Variants in DGKI observed in about 807,000 individuals in gnomAD.
The protein encoded by DGKI is diacylglycerol kinase iota.
A neutral mutation model predicts 147.5 loss-of-function variants in DGKI; 55 were observed. The ratio of observed to expected loss-of-function variants is 0.37; its 90% CI spans 0.30 to 0.47. The LOEUF is 0.47. DGKI is among the 20% of genes least tolerant of loss of function. The pLI, the probability that DGKI is intolerant of heterozygous loss-of-function variation, is 1.00. For synonymous variants in DGKI, 469 were observed against 477.1 expected (o/e 0.98, Z 0.22); for missense variants, 1,007 against 1,323.8 (o/e 0.76, Z 3.71).
chr7:137,436,205 T>G (rs747835745), intron 28 of DGKI, among the ~76,000 whole-genome samples: 2 of 152,224 alleles, frequency 1.3e-5, no homozygotes, highest in Non-Finnish European at 2.9e-5. Flanking sequence ...ATGAATGTTA[T>G]TGACAGGAGA....
intron 1 of DGKI, among the ~76,000 whole-genome samples, chr7:137,825,593 G>A (rs1457182021): frequency 6.6e-6 from 1 of 151,686 alleles, no homozygotes; most frequent in Non-Finnish European, 1.5e-5. Context: ...CATTTACACA[G>A]GCATGCACCC....
chr7:137,832,873 T>C (rs1473769911), intron 1 of DGKI, among the ~76,000 whole-genome samples: 1 of 152,202 alleles, frequency 6.6e-6, no homozygotes, highest in Non-Finnish European at 1.5e-5. Context: ...AAATTTCTTT[T>C]ATGAGATACC....
At chr7:137,637,171 A>C (rs1821342940) in intron 6 of DGKI, among the ~76,000 whole-genome samples, 1 of 152,194 alleles carries the variant, frequency 6.6e-6, no homozygotes, top group African/African-American at 2.4e-5. Context: ...ACTGCCCCAC[A>C]GTTCAACACC....
intron 21 of DGKI, among the ~76,000 whole-genome samples, chr7:137,498,331 AC>A (rs1396204316): frequency 6.6e-6 from 1 of 151,760 alleles, no homozygotes; most frequent in Non-Finnish European, 1.5e-5. Flanking sequence ...GTTTCAAAAA[AC>A]ATCCCCATAA....
intron 3 of DGKI, among the ~76,000 whole-genome samples, chr7:137,662,810 T>C (rs555128379): frequency 3.3e-5 from 5 of 152,212 alleles, no homozygotes; most frequent in Non-Finnish European, 7.3e-5. Context: ...ATGTGATCTG[T>C]GGACAGACAA....
chr7:137,539,097 C>T (rs1474757332), intron 20 of DGKI, among the ~76,000 whole-genome samples: 4 of 152,296 alleles, frequency 2.6e-5, no homozygotes, highest in East Asian at 1.9e-4. Context: ...GGCCTTTTCA[C>T]TATTTCTGGC....
At chr7:137,665,152 A>G (rs1370653438) in intron 3 of DGKI, among the ~76,000 whole-genome samples, 1 of 152,204 alleles carries the variant, frequency 6.6e-6, no homozygotes, top group African/African-American at 2.4e-5. Flanking sequence ...TGGTTAAGAC[A>G]CTGGCTTTTT....
intron 19 of DGKI, among the ~76,000 whole-genome samples, chr7:137,562,214 T>C (rs1045476132): frequency 2.7e-5 from 4 of 148,188 alleles, no homozygotes; most frequent in African/African-American, 1.1e-4. Context: ...GGAGCTCATA[T>C]GGAATGTGAA....
At chr7:137,749,042 T>G (rs10249007) in intron 1 of DGKI, among the ~76,000 whole-genome samples, 6,565 of 152,276 alleles carry the variant, frequency 0.043, 314 homozygotes, top group East Asian at 0.15. Flanking sequence ...AGGTGATGTC[T>G]ACAGGATTAT....
chr7:137,613,178 T>C (rs1585285744), intron 8 of DGKI, among the ~76,000 whole-genome samples: 1 of 152,106 alleles, frequency 6.6e-6, no homozygotes, highest in Non-Finnish European at 1.5e-5. Flanking sequence ...TAATAACAGA[T>C]CCCAAGAGAA....
At chr7:137,598,841 C>G (rs1028595740) in intron 11 of DGKI, among the ~76,000 whole-genome samples, 1 of 151,616 alleles carries the variant, frequency 6.6e-6, no homozygotes, top group African/African-American at 2.4e-5. Flanking sequence ...TTAGCATAAT[C>G]AAGTACAGAA....
At chr7:137,665,883 G>C (rs1302217301) in intron 3 of DGKI, among the ~76,000 whole-genome samples, 1 of 152,170 alleles carries the variant, frequency 6.6e-6, no homozygotes, top group Non-Finnish European at 1.5e-5. Context: ...ATAAGAACTA[G>C]AAAGACACAC....
chr7:137,699,848 T>C (rs76854980), intron 1 of DGKI, among the ~76,000 whole-genome samples: 1 of 152,306 alleles, frequency 6.6e-6, no homozygotes, highest in East Asian at 1.9e-4. Context: ...ACTGATGGTA[T>C]CGCTGACTAG....
At chr7:137,594,198 C>T (rs184992141) in intron 12 of DGKI, among the ~76,000 whole-genome samples, 1 of 152,266 alleles carries the variant, frequency 6.6e-6, no homozygotes, top group African/African-American at 2.4e-5. Context: ...AGGTGTGCAC[C>T]ACCATGCCCG....
intron 23 of DGKI, among the ~76,000 whole-genome samples, chr7:137,481,879 G>A (rs1273601589): frequency 6.6e-6 from 1 of 151,820 alleles, no homozygotes; most frequent in African/African-American, 2.4e-5. Context: ...AAACATACTG[G>A]TATTAATTTA....
intron 1 of DGKI, among the ~76,000 whole-genome samples, chr7:137,700,908 A>C (rs928456726): frequency 1.4e-5 from 2 of 147,808 alleles, no homozygotes; most frequent in African/African-American, 4.9e-5. Context: ...TAAATAAATA[A>C]ATAAATAAAT....
intron 1 of DGKI, among the ~76,000 whole-genome samples, chr7:137,714,464 C>T (rs1233758265): frequency 6.6e-6 from 1 of 151,984 alleles, no homozygotes; most frequent in Non-Finnish European, 1.5e-5. Context: ...AAATAGAGGA[C>T]AATGGCATAT....
chr7:137,442,881 C>G (rs1731916), intron 28 of DGKI, among the ~76,000 whole-genome samples: 1 of 152,168 alleles, frequency 6.6e-6, no homozygotes, highest in African/African-American at 2.4e-5. Flanking sequence ...ATGAAATTTG[C>G]GCATTAAGCC....
chr7:137,465,935 G>C lies in DGKI; in HGVS notation c.2585C>G (p.Pro862Arg), dbSNP rs1322553408. The C allele has an allele frequency of 1.9e-6, 3 of 1,613,982 alleles. No individual in the cohort carries two copies. Among genetic ancestry groups the C allele is most frequent in the Non-Finnish European group, 2.5e-6 (3 of 1,179,992 alleles). ...CGAGGCTTGTTCCACCACCAGGTCA[G>C]GCATGCCCGGAGGTGTCCCCGCCGG... The part of the protein sequence containing the change: ...SQPAGTPPGM[P>R]DLVVEQASGI... The change falls in exon 26 of 33, where the codon CCT becomes CGT. Residue 862 changes from proline to arginine, a missense_variant. Pro to Arg is a moderately radical substitution (Grantham distance 103). Around this residue, in one of 5 missense-constraint regions of DGKI, gnomAD observed 385 missense variants for 445.2 expected, o/e 0.86. Transcript: ENST00000614521.
Sources: gnomAD v4.1 joint callset for allele counts (sites outside exome capture counted in the v4.1 genomes callset) on GRCh38, gnomAD v4.1.1 for gene constraint, gnomAD v4.1.1 regional missense constraint, MANE v1.5 for transcripts, NCBI Gene and HGNC (gene_info 2026-07-23, HGNC 2026-07-21) for gene names.